The following CSMD1 variants were observed in gnomAD, a reference collection of about 807,000 sequenced individuals.
CSMD1 encodes the protein CUB and Sushi multiple domains 1.
Under a neutral mutation model 417.5 loss-of-function variants are expected in CSMD1, and 213 were observed. The ratio of observed to expected loss-of-function variants is 0.51; its 90% CI spans 0.46 to 0.57. The LOEUF (loss-of-function observed/expected upper bound fraction) is 0.57, where lower values mean the gene tolerates loss of function less well. CSMD1 is among the 20% of genes least tolerant of loss of function. The pLI, the probability that CSMD1 is intolerant of heterozygous loss-of-function variation, is 0.00. For synonymous variants in CSMD1, 2,862 were observed against 1,736.8 expected (o/e 1.65, Z -16.11); for missense variants, 6,923 against 4,529.7 (o/e 1.53, Z -15.17).
intron 26 of CSMD1, among the ~76,000 whole-genome samples, chr8:3,254,414 G>A (rs1040999586): frequency 2.0e-5 from 3 of 152,174 alleles, no homozygotes; most frequent in African/African-American, 7.2e-5. Context: ...GAATGTGAAT[G>A]TTGGCCTGCC....
At chr8:4,874,860 T>C (rs1037411307) in intron 1 of CSMD1, among the ~76,000 whole-genome samples, 1 of 148,784 alleles carries the variant, frequency 6.7e-6, no homozygotes, top group Non-Finnish European at 1.5e-5. Context: ...ATATTAAATA[T>C]AGTATAGTGT....
intron 10 of CSMD1, among the ~76,000 whole-genome samples, chr8:3,513,047 C>T (rs1353769718): frequency 1.3e-5 from 2 of 152,088 alleles, no homozygotes; most frequent in African/African-American, 4.8e-5. Context: ...TTAGAATTTT[C>T]CACTTCTAAA....
chr8:4,418,473 G>C (rs1010904522), intron 3 of CSMD1, among the ~76,000 whole-genome samples: 1 of 152,050 alleles, frequency 6.6e-6, no homozygotes, highest in Non-Finnish European at 1.5e-5. Context: ...TTAATTTTGG[G>C]AATCTAACAA....
intron 1 of CSMD1, among the ~76,000 whole-genome samples, chr8:4,721,980 A>C (rs1168493161): frequency 3.9e-5 from 6 of 152,192 alleles, no homozygotes; most frequent in African/African-American, 1.2e-4. Context: ...GAATACAAAG[A>C]AACAGGAGAA....
chr8:4,499,137 TAAAG>T (rs1563234749), intron 2 of CSMD1, among the ~76,000 whole-genome samples: 1 of 151,998 alleles, frequency 6.6e-6, no homozygotes, highest in East Asian at 1.9e-4. Context: ...TAAACCAAGA[TAAAG>T]AAACAAAACC....
At chr8:3,563,296 G>C (rs746041631) in intron 10 of CSMD1, among the ~76,000 whole-genome samples, 1 of 151,700 alleles carries the variant, frequency 6.6e-6, no homozygotes, top group African/African-American at 2.4e-5. Flanking sequence ...CTAAAAGTGT[G>C]TAATTTAAAC....
chr8:4,132,794 T>C (rs1803190570), intron 3 of CSMD1, among the ~76,000 whole-genome samples: 1 of 152,176 alleles, frequency 6.6e-6, no homozygotes, highest in Admixed American at 6.5e-5. Flanking sequence ...AAACTGTGTG[T>C]GAATGTAAAG....
At chr8:3,225,735 T>C (rs1798466071) in intron 27 of CSMD1, among the ~76,000 whole-genome samples, 2 of 152,188 alleles carry the variant, frequency 1.3e-5, no homozygotes, top group Admixed American at 6.5e-5. Context: ...CACTTTCAAA[T>C]GAGGTGATTT....
rs766389611 is a variant in CSMD1 at position 4,637,475 on chromosome 8, T to G, written c.169A>C (p.Asn57His). ...GFPHGYPNYA[N>H]CTWIIITGER... Reference sequence around the variant, plus strand: ...CCCGTGATGATGATCCAGGTGCAGTTGGCATAGTTCGGATACCCGTGAGGA... The same window carrying G: ...CCCGTGATGATGATCCAGGTGCAGTGGGCATAGTTCGGATACCCGTGAGGA... The change falls in exon 2 of 70, where the codon AAC (asparagine) becomes CAC (histidine). Residue 57 changes from asparagine (N) to histidine (H), a missense_variant. Transcript: ENST00000635120. 1.2e-6 allele frequency: 2 copies of G among 1,613,862 alleles called. No homozygotes were observed. Among genetic ancestry groups the G allele is most frequent in the South Asian group, 2.2e-5 (2 of 91,076 alleles).
rs570344204 is a variant in CSMD1, at chr8:4,603,264, T to C, written c.302+34078A>G. Among the ~76,000 whole-genome samples the C allele has an allele frequency of 5.3e-5, 8 of 152,222 alleles. 1 individual carries two copies. Among genetic ancestry groups the C allele is most frequent in the African/African-American group, 1.7e-4 (7 of 41,584 alleles). ...ACCATGACCTGCTGCAAATTTTTCA[T>C]ACTCCTTTAATTTTTTTTACATTTC... On this transcript the variant is annotated intron_variant, in intron 2 of 69. Coordinates refer to ENST00000635120, the MANE Select transcript of CSMD1 (RefSeq NM_033225.6).
intron 5 of CSMD1, among the ~76,000 whole-genome samples, chr8:3,893,348 TATATATATATATATTA>T (rs1807120368): frequency 1.5e-5 from 2 of 130,424 alleles, no homozygotes; most frequent in African/African-American, 5.3e-5. Flanking sequence ...TTTATATATA[TATATATATATATATTA>T]TTTTTTTTCT....
At chr8:3,309,775 G>A (rs1328203102) in intron 23 of CSMD1, among the ~76,000 whole-genome samples, 3 of 152,174 alleles carry the variant, frequency 2.0e-5, no homozygotes, top group East Asian at 1.9e-4. Flanking sequence ...AGTCTGAGAT[G>A]CCCTTCCATT....
At chr8:4,925,700 C>G (rs1806818836) in intron 1 of CSMD1, among the ~76,000 whole-genome samples, 3 of 152,078 alleles carry the variant, frequency 2.0e-5, no homozygotes, top group African/African-American at 4.8e-5. Flanking sequence ...GCGCCCGCCA[C>G]CACGCAGGGC....
At chr8:4,869,889 T>G (rs1398889225) in intron 1 of CSMD1, among the ~76,000 whole-genome samples, 1 of 152,086 alleles carries the variant, frequency 6.6e-6, no homozygotes, top group Non-Finnish European at 1.5e-5. Flanking sequence ...AAGAAGTTAA[T>G]GTTAGATTTA....
chr8:4,721,747 G>C (rs536913051), intron 1 of CSMD1, among the ~76,000 whole-genome samples: 1 of 152,198 alleles, frequency 6.6e-6, no homozygotes, highest in Non-Finnish European at 1.5e-5. Flanking sequence ...CATAGAAATA[G>C]CTGCACTCCC....
chr8:3,320,918 C>G (rs1347755164), intron 23 of CSMD1, among the ~76,000 whole-genome samples: 1 of 152,162 alleles, frequency 6.6e-6, no homozygotes, highest in African/African-American at 2.4e-5. Context: ...GACCGTAAAG[C>G]GTTCAGTAGC....
chr8:3,899,545 G>A (rs143749426), intron 5 of CSMD1, among the ~76,000 whole-genome samples: 7 of 152,042 alleles, frequency 4.6e-5, no homozygotes, highest in African/African-American at 1.7e-4. Flanking sequence ...AAACATCTAA[G>A]GACATTAAAA....
intron 1 of CSMD1, among the ~76,000 whole-genome samples, chr8:4,816,208 A>G (rs952764153): frequency 6.6e-6 from 1 of 151,676 alleles, no homozygotes; most frequent in Non-Finnish European, 1.5e-5. Context: ...TTTTTGGGAC[A>G]GAGTCTCGCT....
In CSMD1 at chr8:3,551,764, C is replaced by T. The variant is rs75834272; in HGVS notation, c.1344+23181G>A. ...GTATACTAAAGTCCGTGACAAGCTG[C>T]GATAATATGATGTTCTCTGTAATGT... On this transcript the variant is annotated intron_variant, in intron 10 of 69. Transcript: ENST00000635120. Among the ~76,000 whole-genome samples, 1,260 of 152,092 alleles carry T rather than the reference C, an allele frequency of 8.3e-3. 18 individuals carry two copies. Among genetic ancestry groups the T allele is most frequent in the African/African-American group, 0.028 (1,178 of 41,496 alleles).
Sources: allele counts gnomAD v4.1 joint callset (sites outside exome capture counted in the v4.1 genomes callset), GRCh38; gene constraint gnomAD v4.1.1; transcripts MANE v1.5; gene names NCBI Gene and HGNC (gene_info 2026-07-23, HGNC 2026-07-21).